The following SLIT2 variants were observed in gnomAD, a reference collection of about 807,000 sequenced individuals.
The protein encoded by SLIT2 is slit guidance ligand 2.
In SLIT2, 41 loss-of-function variants were observed where a neutral mutation model predicts 185.7. The observed-to-expected ratio is 0.22, with a 90% CI of 0.17 to 0.29. The LOEUF is 0.29. SLIT2 is among the 10% of genes least tolerant of loss of function. The probability of loss-of-function intolerance (pLI) is 1.00; values close to 1 mark genes in which losing one functional copy is unlikely to be tolerated. For synonymous variants in SLIT2, 693 were observed against 680.2 expected (o/e 1.02, Z -0.29); for missense variants, 1,571 against 1,909.0 (o/e 0.82, Z 3.30).
chr4:20,252,537 A>C lies in SLIT2; in HGVS notation c.-1279A>C, dbSNP rs1402570154. On this transcript the variant is annotated 5_prime_UTR_variant, in exon 1 of 37. Coordinates refer to ENST00000504154, the MANE Select transcript of SLIT2 (RefSeq NM_004787.4). Reference sequence around the variant, plus strand: ...GGGGACGGAATTCAAAGCCTGGGAAAAGTTGCTGCACTTTGAGAAGGACGA... The same window carrying C: ...GGGGACGGAATTCAAAGCCTGGGAACAGTTGCTGCACTTTGAGAAGGACGA... 6.6e-6 allele frequency among the ~76,000 whole-genome samples: 1 copy of C among 151,788 alleles called. No individual in the cohort carries two copies. The highest frequency in any genetic ancestry group is 1.5e-5 in the Non-Finnish European group (1 of 67,936).
chr4:20,589,273 A>G (rs1183596421), intron 29 of SLIT2, among the ~76,000 whole-genome samples: 1 of 152,152 alleles, frequency 6.6e-6, no homozygotes, highest in Non-Finnish European at 1.5e-5. Context: ...GTGAATAATC[A>G]TTACCAATTT....
At chr4:20,404,956 A>G (rs540060161) in intron 4 of SLIT2, among the ~76,000 whole-genome samples, 3 of 152,118 alleles carry the variant, frequency 2.0e-5, no homozygotes, top group East Asian at 3.9e-4. Context: ...AGTATGATTT[A>G]TAACATTTTT....
At chr4:20,617,990 AC>A (rs550489619) in intron 36 of SLIT2, among the ~76,000 whole-genome samples, 20 of 152,286 alleles carry the variant, frequency 1.3e-4, no homozygotes, top group Non-Finnish European at 2.1e-4. Flanking sequence ...CTCCTGTCTT[AC>A]CTTTACCGGC....
chr4:20,531,212 T>C (rs1414398878), intron 16 of SLIT2, among the ~76,000 whole-genome samples: 1 of 152,130 alleles, frequency 6.6e-6, no homozygotes, highest in African/African-American at 2.4e-5. Context: ...CATCAAAGAA[T>C]GGAAGCAACA....
At chr4:20,409,502 T>C (rs1004510002) in intron 4 of SLIT2, among the ~76,000 whole-genome samples, 1 of 152,186 alleles carries the variant, frequency 6.6e-6, no homozygotes, top group Admixed American at 6.5e-5. Context: ...TCCATGTCTT[T>C]GTTAGTGTGA....
chr4:20,470,488 G>C (rs1353793174), intron 5 of SLIT2, among the ~76,000 whole-genome samples: 7 of 44,562 alleles, frequency 1.6e-4, no homozygotes, highest in African/African-American at 3.5e-4. Context: ...TGGAGTCTGT[G>C]TGTGTGTGTG....
intron 29 of SLIT2, among the ~76,000 whole-genome samples, chr4:20,585,087 AAAC>A (rs1167059904): frequency 6.6e-6 from 1 of 152,098 alleles, no homozygotes; most frequent in Non-Finnish European, 1.5e-5. Context: ...CAACAAAAAA[AAAC>A]AACCTCTATG....
At position 20,532,008 on chromosome 4, in the gene SLIT2, C is replaced by A; in HGVS notation, c.1638C>A (p.Thr546=). The A allele has an allele frequency of 1.3e-6, 2 of 1,575,692 alleles. No individual in the cohort carries two copies. Among genetic ancestry groups the A allele is most frequent in the South Asian group, 1.2e-5 (1 of 82,592 alleles). Residue 546 remains threonine, a synonymous_variant, in exon 17 of 37, where the codon ACC becomes ACA. Transcript: ENST00000504154. ...GGCGTCTCAATAATAATGAATTTAC[C>A]GTGTTGGAAGCCACAGGAATCTTTA... is the stretch of plus-strand genomic sequence containing the variant. ...AELRLNNNEF[T]VLEATGIFKK...
intron 33 of SLIT2, among the ~76,000 whole-genome samples, chr4:20,603,164 A>G (rs1480471139): frequency 6.6e-6 from 1 of 152,176 alleles, no homozygotes. Flanking sequence ...GGCGAAAGGA[A>G]TGTCTTACAT....
chr4:20,485,942 A>G (rs969968467), intron 6 of SLIT2, among the ~76,000 whole-genome samples: 9 of 152,228 alleles, frequency 5.9e-5, no homozygotes, highest in African/African-American at 2.2e-4. Flanking sequence ...TACATAAAGT[A>G]GAATGTAAAT....
chr4:20,419,387 C>A (rs923604992), intron 4 of SLIT2, among the ~76,000 whole-genome samples: 7 of 152,088 alleles, frequency 4.6e-5, no homozygotes, highest in African/African-American at 1.7e-4. Flanking sequence ...TAATGATTTA[C>A]TTACTACTCT....
intron 5 of SLIT2, among the ~76,000 whole-genome samples, chr4:20,472,270 A>ATATATC (rs1450844231): frequency 2.8e-5 from 1 of 35,490 alleles, no homozygotes; most frequent in African/African-American, 1.8e-4. Flanking sequence ...ATATATAGAT[A>ATATATC]TATATCTATA....
chr4:20,270,636 C>G (rs182172118), intron 4 of SLIT2, among the ~76,000 whole-genome samples: 30 of 151,878 alleles, frequency 2.0e-4, no homozygotes, highest in Admixed American at 1.6e-3. Flanking sequence ...AGGATTTGTC[C>G]TGGGGAGTAA....
chr4:20,528,890 C>A lies in SLIT2; in HGVS notation c.1463-59C>A. 7.2e-7 allele frequency: 1 copy of A among 1,389,852 alleles called. No homozygotes were observed. The highest frequency in any genetic ancestry group is 9.9e-7 in the Non-Finnish European group (1 of 1,012,004). The allele number at this position is 1,389,852 out of a possible 1,614,324, so 86.1% of individuals were successfully genotyped here. A position where few individuals can be genotyped will look rare whatever the true frequency, so the allele number is the denominator to read the frequency against. The stretch of plus-strand genomic sequence containing the variant: ...TATCTTACTTTTTTCTTCCTACAAA[C>A]TAATAAATTTTCTAACCTTTAGACT... On this transcript the variant is annotated intron_variant, in intron 15 of 36. Transcript: ENST00000504154. The surrounding 1 kb of genome is among the most constrained non-coding windows in gnomAD (Gnocchi z 4.2).
At chr4:20,305,205 C>A (rs1717425884) in intron 4 of SLIT2, among the ~76,000 whole-genome samples, 1 of 152,020 alleles carries the variant, frequency 6.6e-6, no homozygotes, top group Non-Finnish European at 1.5e-5. Context: ...TATCATGTAC[C>A]CCTGTGACCC....
At chr4:20,617,302 G>A (rs113985094) in intron 35 of SLIT2, 104 bp downstream of exon 35, 1 of 1,247,302 alleles carries the variant, frequency 8.0e-7, no homozygotes, top group Admixed American at 2.0e-5. Flanking sequence ...AGGGAGGGGA[G>A]GGGAGGGGAG....
intron 32 of SLIT2, 44 bp from the exon 33 acceptor site, chr4:20,598,221 G>A (rs1395171811): frequency 6.3e-7 from 1 of 1,598,334 alleles, no homozygotes. Flanking sequence ...AAATACGTTT[G>A]GTTGCGTACA....
chr4:20,390,661 A>T (rs1286507038), intron 4 of SLIT2, among the ~76,000 whole-genome samples: 1 of 152,024 alleles, frequency 6.6e-6, no homozygotes, highest in Non-Finnish European at 1.5e-5. Context: ...GCATTTTAGG[A>T]TTAAAATTTA....
chr4:20,476,585 C>G (rs1169664985), intron 5 of SLIT2, among the ~76,000 whole-genome samples: 1 of 152,030 alleles, frequency 6.6e-6, no homozygotes, highest in Non-Finnish European at 1.5e-5. Context: ...TATTGTTAAG[C>G]ACATTTTATG....
Sources: allele counts gnomAD v4.1 joint callset (sites outside exome capture counted in the v4.1 genomes callset), GRCh38; gene constraint gnomAD v4.1.1; non-coding constraint Gnocchi (gnomAD v3.1); transcripts MANE v1.5; gene names NCBI Gene and HGNC (gene_info 2026-07-23, HGNC 2026-07-21).